The following ZNF740 variants were observed in gnomAD, a reference collection of about 807,000 sequenced individuals.
The protein encoded by ZNF740 is oriLyt TD-element-binding protein 7.
A neutral mutation model predicts 24.8 loss-of-function variants in ZNF740; 14 were observed. The observed-to-expected ratio is 0.56, with a 90% CI of 0.37 to 0.88. ZNF740 has a LOEUF of 0.88. Ranked by LOEUF, ZNF740 falls within the 40% of genes least tolerant of loss-of-function variation. ZNF740 has a pLI of 0.00. For synonymous variants in ZNF740, 69 were observed against 84.0 expected (o/e 0.82, Z 0.98); for missense variants, 201 against 247.9 (o/e 0.81, Z 1.27).
Position 53,185,426 on chromosome 12 carries a change from G to A in ZNF740, c.199G>A (p.Asp67Asn). 6.2e-7 allele frequency: 1 copy of A among 1,614,010 alleles called. No individual in the cohort carries two copies. The highest frequency in any genetic ancestry group is 1.1e-5 in the South Asian group (1 of 91,076). Residue 67 changes from aspartate (D) to asparagine (N), a missense_variant, in exon 4 of 7, where the codon GAT becomes AAT. Asp to Asn is a conservative substitution (Grantham distance 23, BLOSUM62 1). Around this residue, in one of 3 missense-constraint regions of ZNF740, gnomAD observed 117 missense variants for 122.3 expected, o/e 0.96. Coordinates refer to ENST00000416904, the MANE Select transcript of ZNF740 (RefSeq NM_001004304.4). ...CAGTGATAAGTCCCGGAGCCGCAAA[G>A]ATGATGACAGCTTGTCTGAGGCCTC... is the stretch of plus-strand genomic sequence containing the variant. ...KDSDKSRSRK[D>N]DDSLSEASHS... is the part of the protein sequence containing the mutation.
In ZNF740 at chr12:53,188,196, T is replaced by C. The variant is rs1941860757; in HGVS notation, c.*606T>C. ...AGCTGAGCTTACTTTGGCTTCCTTA[T>C]ACACTGTAGGGACAAAAGGAAAAAC... On this transcript the variant is annotated 3_prime_UTR_variant, in exon 7 of 7. Coordinates refer to ENST00000416904, the MANE Select transcript of ZNF740 (RefSeq NM_001004304.4). 2 of 154,718 alleles carry C rather than the reference T, an allele frequency of 1.3e-5. No homozygotes were observed. Among genetic ancestry groups the C allele is most frequent in the African/African-American group, 4.8e-5 (2 of 41,426 alleles). 9.6% of individuals were successfully genotyped at this position (154,718 alleles called of 1,614,324 possible). A position where few individuals can be genotyped will look rare whatever the true frequency, so the allele number is the denominator to read the frequency against.
Position 53,181,910 on chromosome 12 carries a change from A to C in ZNF740, c.-74A>C. Reference sequence around the variant, plus strand: ...ACCGTGATTTGGTGACAGTTCTTCAAAACGACAGTGTCTCAAGGAAAGGTG... The same window carrying C: ...ACCGTGATTTGGTGACAGTTCTTCACAACGACAGTGTCTCAAGGAAAGGTG... On this transcript the variant is annotated 5_prime_UTR_variant, in exon 2 of 7. Transcript: ENST00000416904. The C allele has an allele frequency of 6.4e-7, 1 of 1,570,364 alleles. No individual in the cohort carries two copies. Among genetic ancestry groups the C allele is most frequent in the Non-Finnish European group, 8.7e-7 (1 of 1,155,904 alleles).
intron 5 of ZNF740, 39 bp downstream of exon 5, chr12:53,186,116 C>CT: frequency 6.3e-7 from 1 of 1,595,730 alleles, no homozygotes; most frequent in Non-Finnish European, 8.6e-7. Context: ...GGAGAATAGT[C>CT]TATCGCTTGT....
chr12:53,193,729 T>A lies in ZNF740; in HGVS notation c.*6139T>A. Reference sequence around the variant, plus strand: ...TCACCTGCATACACCACATTGTAGGTGTCCCTGGCCATCACTGCAGTGGGG... The same window carrying A: ...TCACCTGCATACACCACATTGTAGGAGTCCCTGGCCATCACTGCAGTGGGG... On this transcript the variant is annotated 3_prime_UTR_variant, in exon 7 of 7. Coordinates refer to ENST00000416904, the MANE Select transcript of ZNF740 (RefSeq NM_001004304.4). 3.7e-6 allele frequency: 6 copies of A among 1,613,212 alleles called. No individual in the cohort carries two copies. Among genetic ancestry groups the A allele is most frequent in the Non-Finnish European group, 5.1e-6 (6 of 1,179,552 alleles).
At position 53,191,566 on chromosome 12, in the gene ZNF740, G is replaced by A. The variant is rs1941944312; in HGVS notation, c.*3976G>A. ...GTGTCCCTCCCTCCTTCAGAGAGTGGGACTGTCTGCCTCTTGAAAGCGAGG... is the reference window on the plus strand; with the variant it reads ...GTGTCCCTCCCTCCTTCAGAGAGTGAGACTGTCTGCCTCTTGAAAGCGAGG... On this transcript the variant is annotated 3_prime_UTR_variant, in exon 7 of 7. Transcript: ENST00000416904. The A allele has an allele frequency of 1.2e-6, 2 of 1,611,294 alleles. No individual in the cohort carries two copies. Among genetic ancestry groups the A allele is most frequent in the South Asian group, 1.1e-5 (1 of 91,026 alleles).
Position 53,184,925 on chromosome 12 carries a change from T to G in ZNF740, c.44T>G (p.Val15Gly). The G allele has an allele frequency of 6.2e-7, 1 of 1,613,896 alleles. No homozygotes were observed. Among genetic ancestry groups the G allele is most frequent in the Non-Finnish European group, 8.5e-7 (1 of 1,179,840 alleles). ...SLLACEGLAG[V>G]SLVPTAASKK... ...CTGGCTTGTGAAGGCCTAGCAGGTG[T>G]GAGTTTGGTTCCCACTGCAGCCAGC... is the stretch of plus-strand genomic sequence containing the variant. The change falls in exon 3 of 7, where the codon GTG (valine) becomes GGG (glycine). Residue 15 changes from valine to glycine, a missense_variant. By Grantham distance (109) the Val-to-Gly change is moderately radical. This residue lies in a region of ZNF740 where 117 missense variants were observed against 122.3 expected (regional missense o/e 0.96). Transcript: ENST00000416904.
At position 53,185,021 on chromosome 12, in the gene ZNF740, T is replaced by C. The variant is rs773205161; in HGVS notation, c.140T>C (p.Val47Ala). The change falls in exon 3 of 7, where the codon GTG becomes GCG. Residue 47 changes from valine (V) to alanine (A), a missense_variant. Val to Ala is a moderately conservative substitution (Grantham distance 64, BLOSUM62 0). Transcript: ENST00000416904. ...GGCGAGCGGGCAGGTAGCCCTGATG[T>C]GCTGAGGTGCTCGAGTCAGGTACAG... Reference protein sequence around the residue: ...ENGERAGSPDVLRCSSQGHRK... With the variant: ...ENGERAGSPDALRCSSQGHRK... The C allele has an allele frequency of 2.5e-6, 4 of 1,613,954 alleles. No homozygotes were observed. Among genetic ancestry groups the C allele is most frequent in the South Asian group, 1.1e-5 (1 of 91,076 alleles).
chr12:53,193,453 CAA>C lies in ZNF740; in HGVS notation c.*5866_*5867del. The C allele has an allele frequency of 1.0e-6, 1 of 982,404 alleles. No individual in the cohort carries two copies. The highest frequency in any genetic ancestry group is 1.8e-5 in the South Asian group (1 of 57,004). The allele number at this position is 982,404 out of a possible 1,614,324, so 60.9% of individuals were successfully genotyped here. On this transcript the variant is annotated 3_prime_UTR_variant, in exon 7 of 7. Transcript: ENST00000416904. ...CCAGGAACCTCTAAACCCAAGTTCT[CAA>C]AAGAGTTGGAGACAGACAAACAGCT...
rs1252965225 is a variant in ZNF740, at chr12:53,193,757, C to T, written c.*6167C>T. 6.2e-7 allele frequency: 1 copy of T among 1,613,986 alleles called. No individual in the cohort carries two copies. ...CCCTGGCCATCACTGCAGTGGGGAG[C>T]CTGGGGCTGGGTGTCACTGCAATTA... On this transcript the variant is annotated 3_prime_UTR_variant, in exon 7 of 7. Coordinates refer to ENST00000416904, the MANE Select transcript of ZNF740 (RefSeq NM_001004304.4).
In ZNF740 at chr12:53,190,237, C is replaced by G. The variant is rs969321891; in HGVS notation, c.*2647C>G. 2 of 152,820 alleles carry G rather than the reference C, an allele frequency of 1.3e-5. No individual in the cohort carries two copies. Among genetic ancestry groups the G allele is most frequent in the Admixed American group, 1.3e-4 (2 of 15,304 alleles). 9.5% of individuals were successfully genotyped at this position (152,820 alleles called of 1,614,324 possible). A position where few individuals can be genotyped will look rare whatever the true frequency, so the allele number is the denominator to read the frequency against. On this transcript the variant is annotated 3_prime_UTR_variant, in exon 7 of 7. Transcript: ENST00000416904. ...GGGCCCGGGAGCCCCACGGATACCCCAGGGAAGCCACTGACTCACACCGCT... is the reference window on the plus strand; with the variant it reads ...GGGCCCGGGAGCCCCACGGATACCCGAGGGAAGCCACTGACTCACACCGCT...
Position 53,191,605 on chromosome 12 carries a change from G to C in ZNF740, c.*4015G>C, listed in dbSNP as rs775805385. On this transcript the variant is annotated 3_prime_UTR_variant, in exon 7 of 7. Coordinates refer to ENST00000416904, the MANE Select transcript of ZNF740 (RefSeq NM_001004304.4). The stretch of plus-strand genomic sequence containing the variant: ...TTGAAAGCGAGGATTGATGGTGGTC[G>C]TGATGGCACTTTTGTAGAGAGGATT... 1.2e-6 allele frequency: 2 copies of C among 1,613,732 alleles called. No homozygotes were observed. Among genetic ancestry groups the C allele is most frequent in the Admixed American group, 1.7e-5 (1 of 60,002 alleles).
rs1268345024 is a variant in ZNF740, at chr12:53,190,274, T to G, written c.*2684T>G. On this transcript the variant is annotated 3_prime_UTR_variant, in exon 7 of 7. Coordinates refer to ENST00000416904, the MANE Select transcript of ZNF740 (RefSeq NM_001004304.4). ...TGACTCACACCGCTGCAGAGGCTCC[T>G]GGGCCCAATGCCCGACCCCTGCTGG... The G allele has an allele frequency of 4.6e-5, 7 of 152,796 alleles. No homozygotes were observed. In the East Asian group the frequency reaches 1.4e-3, roughly 29 times the overall value. 9.5% of individuals were successfully genotyped at this position (152,796 alleles called of 1,614,324 possible).
At position 53,193,577 on chromosome 12, in the gene ZNF740, G is replaced by T; in HGVS notation, c.*5987G>T. 1.1e-6 allele frequency: 1 copy of T among 871,892 alleles called. No homozygotes were observed. The allele number at this position is 871,892 out of a possible 1,614,324, so 54.0% of individuals were successfully genotyped here. A position where few individuals can be genotyped will look rare whatever the true frequency, so the allele number is the denominator to read the frequency against. The stretch of plus-strand genomic sequence containing the variant: ...TGGACATACATGGGAAGCTTCAAGG[G>T]ATGAAACTGAGTGGGGAGTCGGGAT... On this transcript the variant is annotated 3_prime_UTR_variant, in exon 7 of 7. Coordinates refer to ENST00000416904, the MANE Select transcript of ZNF740 (RefSeq NM_001004304.4).
rs1054261396 is a variant in ZNF740, at chr12:53,192,343, C to T, written c.*4753C>T. ...CTGCCCACTTACTTTCTTGGGGTCT[C>T]ACTCTGAGCACGACCGTGCCTCTGG... On this transcript the variant is annotated 3_prime_UTR_variant, in exon 7 of 7. Coordinates refer to ENST00000416904, the MANE Select transcript of ZNF740 (RefSeq NM_001004304.4). The T allele has an allele frequency of 1.2e-6, 2 of 1,614,088 alleles. No homozygotes were observed. The highest frequency in any genetic ancestry group is 1.6e-4 in the Middle Eastern group (1 of 6,062).
At position 53,192,508 on chromosome 12, in the gene ZNF740, A is replaced by G. The variant is rs144459613; in HGVS notation, c.*4918A>G. On this transcript the variant is annotated 3_prime_UTR_variant, in exon 7 of 7. Coordinates refer to ENST00000416904, the MANE Select transcript of ZNF740 (RefSeq NM_001004304.4). ...TACTGCAGTTGGTGGCCAGTGGGCC[A>G]GTCCTGAAGGCCCCACACTCTGCAC... 2.4e-4 allele frequency: 392 copies of G among 1,614,120 alleles called. No individual in the cohort carries two copies. The African/African-American group carries it at 4.3e-3, about 18-fold the overall frequency.
rs201131467 is a variant in ZNF740 at position 53,192,033 on chromosome 12, A to T, written c.*4443A>T. 1.9e-6 allele frequency: 3 copies of T among 1,608,576 alleles called. No homozygotes were observed. In the East Asian group the frequency reaches 6.7e-5, roughly 36 times the overall value. On this transcript the variant is annotated 3_prime_UTR_variant, in exon 7 of 7. Coordinates refer to ENST00000416904, the MANE Select transcript of ZNF740 (RefSeq NM_001004304.4). Reference sequence around the variant, plus strand: ...GGTCTGCTCCCTCTGTGAACAAGAAACCAGACACACTTGTGGGAGCTGGAG... The same window carrying T: ...GGTCTGCTCCCTCTGTGAACAAGAATCCAGACACACTTGTGGGAGCTGGAG...
rs965696364 is a variant in ZNF740, at chr12:53,190,062, G to C, written c.*2472G>C. The C allele has an allele frequency of 6.6e-6, 1 of 152,246 alleles. No individual in the cohort carries two copies. 9.4% of individuals were successfully genotyped at this position (152,246 alleles called of 1,614,324 possible). A position where few individuals can be genotyped will look rare whatever the true frequency, so the allele number is the denominator to read the frequency against. Reference sequence around the variant, plus strand: ...GGAGGGAACTTCAGAGAGTATGTGCGAACAGCCATAGCAGAGCCACCCCTG... The same window carrying C: ...GGAGGGAACTTCAGAGAGTATGTGCCAACAGCCATAGCAGAGCCACCCCTG... On this transcript the variant is annotated 3_prime_UTR_variant, in exon 7 of 7. Coordinates refer to ENST00000416904, the MANE Select transcript of ZNF740 (RefSeq NM_001004304.4).
Position 53,193,722 on chromosome 12 carries a change from T to C in ZNF740, c.*6132T>C. The stretch of plus-strand genomic sequence containing the variant: ...GAGGCCCTCACCTGCATACACCACA[T>C]TGTAGGTGTCCCTGGCCATCACTGC... On this transcript the variant is annotated 3_prime_UTR_variant, in exon 7 of 7. Coordinates refer to ENST00000416904, the MANE Select transcript of ZNF740 (RefSeq NM_001004304.4). 6.2e-7 allele frequency: 1 copy of C among 1,612,826 alleles called. No individual in the cohort carries two copies. The highest frequency in any genetic ancestry group is 8.5e-7 in the Non-Finnish European group (1 of 1,179,278).
Position 53,194,418 on chromosome 12 carries a change from G to T in ZNF740, c.*6828G>T. 3 of 1,485,996 alleles carry T rather than the reference G, an allele frequency of 2.0e-6. No individual in the cohort carries two copies. The highest frequency in any genetic ancestry group is 2.8e-6 in the Non-Finnish European group (3 of 1,082,884). 92.1% of individuals were successfully genotyped at this position (1,485,996 alleles called of 1,614,324 possible). A position where few individuals can be genotyped will look rare whatever the true frequency, so the allele number is the denominator to read the frequency against. ...CCAACCCCACCTTATGTCCTCTCCAGGTGTTCCCAATTCTGCCAGCACCCT... is the reference window on the plus strand; with the variant it reads ...CCAACCCCACCTTATGTCCTCTCCATGTGTTCCCAATTCTGCCAGCACCCT... On this transcript the variant is annotated 3_prime_UTR_variant, in exon 7 of 7. Transcript: ENST00000416904.
Sources: allele counts gnomAD v4.1 joint callset, GRCh38; gene constraint gnomAD v4.1.1; regional missense constraint gnomAD v4.1.1; transcripts MANE v1.5; gene names NCBI Gene and HGNC (gene_info 2026-07-23, HGNC 2026-07-21).